Variants in SIRT5 observed in about 807,000 individuals in gnomAD.
The protein encoded by SIRT5 is NAD-dependent protein deacylase sirtuin-5, mitochondrial.
Under a neutral mutation model 40.0 loss-of-function variants are expected in SIRT5, and 26 were observed. The ratio of observed to expected loss-of-function variants is 0.65; its 90% CI spans 0.48 to 0.90. The LOEUF is 0.90. Ranked by LOEUF, SIRT5 falls within the 40% of genes least tolerant of loss-of-function variation. SIRT5 has a pLI of 0.00. For synonymous variants in SIRT5, 146 were observed against 149.1 expected, an observed-to-expected ratio of 0.98 and a Z score of 0.15; for missense variants, 401 against 402.4, an observed-to-expected ratio of 1.00 and a Z score of 0.03.
intron 3 of SIRT5, among the ~76,000 whole-genome samples, chr6:13,585,691 C>T (rs1280454692): frequency 6.6e-6 from 1 of 152,070 alleles, no homozygotes; most frequent in Non-Finnish European, 1.5e-5. Flanking sequence ...TGAATAGTGC[C>T]GCAATAAACA....
intron 5 of SIRT5, 136 bp from the exon 6 acceptor site, chr6:13,595,341 T>C (rs1400788048): frequency 1.5e-6 from 1 of 671,560 alleles, no homozygotes; most frequent in African/African-American, 1.8e-5. Flanking sequence ...ACTGCTACAC[T>C]CCAGCCTGGG....
In SIRT5 at chr6:13,584,179, G is replaced by A. The variant is rs200135552; in HGVS notation, c.69G>A (p.Ala23=). The A allele has an allele frequency of 4.5e-5, 72 of 1,613,936 alleles. No individual in the cohort carries two copies. Among genetic ancestry groups the A allele is most frequent in the Non-Finnish European group, 2.6e-5 (31 of 1,180,018 alleles). Residue 23 remains alanine, a synonymous_variant, in exon 3 of 10, where the codon GCG becomes GCA. Transcript: ENST00000606117. The stretch of plus-strand genomic sequence containing the variant: ...TATATTGTGGCCTGAAGCCTCCAGC[G>A]TCCACACGAAACCAGATTTGCCTGA... ...SQLYCGLKPP[A]STRNQICLKM...
At chr6:13,606,177 T>G (rs549414322) in intron 9 of SIRT5, among the ~76,000 whole-genome samples, 1 of 152,128 alleles carries the variant, frequency 6.6e-6, no homozygotes, top group African/African-American at 2.4e-5. Context: ...GAGCAAAGAC[T>G]TGAAGGAGGT....
At chr6:13,602,330 A>G (rs1034055665) in intron 9 of SIRT5, among the ~76,000 whole-genome samples, 1 of 152,222 alleles carries the variant, frequency 6.6e-6, no homozygotes, top group Non-Finnish European at 1.5e-5. Context: ...CATACTTCCC[A>G]ATTTCAAAAC....
chr6:13,575,676 G>GA (rs761700184), intron 1 of SIRT5, among the ~76,000 whole-genome samples: 1 of 152,178 alleles, frequency 6.6e-6, no homozygotes. Flanking sequence ...TTTTTGTGGT[G>GA]AAAATCTACT....
intron 7 of SIRT5, 116 bp downstream of exon 7, chr6:13,597,132 A>G (rs963161474): frequency 2.6e-6 from 2 of 769,148 alleles, no homozygotes; most frequent in Non-Finnish European, 4.2e-6. Context: ...AAATGCACAA[A>G]TGTAAAAACC....
At chr6:13,599,629 T>C (rs1762102344) in intron 8 of SIRT5, among the ~76,000 whole-genome samples, 1 of 152,242 alleles carries the variant, frequency 6.6e-6, no homozygotes, top group South Asian at 2.1e-4. Flanking sequence ...TTGGGCCACA[T>C]TGGGCCTGCT....
chr6:13,605,467 A>G, intron 9 of SIRT5: 2 of 985,440 alleles, frequency 2.0e-6, no homozygotes, highest in Non-Finnish European at 2.4e-6. Flanking sequence ...TGTTACCTAA[A>G]TAGGCAGCTA....
At chr6:13,599,530 A>C (rs968336188) in intron 8 of SIRT5, among the ~76,000 whole-genome samples, 1 of 152,220 alleles carries the variant, frequency 6.6e-6, no homozygotes, top group African/African-American at 2.4e-5. Flanking sequence ...GAAATTAGAA[A>C]TCGCCCATAG....
Position 13,611,913 on chromosome 6 carries a change from C to T in SIRT5, c.*48C>T, listed in dbSNP as rs1233610589. 1 of 1,566,612 alleles carries T rather than the reference C, an allele frequency of 6.4e-7. No homozygotes were observed. Among genetic ancestry groups the T allele is most frequent in the Non-Finnish European group, 8.8e-7 (1 of 1,138,038 alleles). The stretch of plus-strand genomic sequence containing the variant: ...TACAGTATATCTAAGAACTAGGCCA[C>T]ACGCAGAGGAGAAATGGTCTTATGG... On this transcript the variant is annotated 3_prime_UTR_variant, in exon 10 of 10. Transcript: ENST00000606117.
chr6:13,601,065 T>A (rs1456813865), intron 9 of SIRT5, 116 bp downstream of exon 9: 1 of 758,450 alleles, frequency 1.3e-6, no homozygotes, highest in African/African-American at 1.8e-5. Context: ...TTTGTGTTTT[T>A]TTGTTTGATC....
At chr6:13,582,079 G>C (rs1759417476) in intron 2 of SIRT5, among the ~76,000 whole-genome samples, 1 of 152,154 alleles carries the variant, frequency 6.6e-6, no homozygotes, top group African/African-American at 2.4e-5. Flanking sequence ...GTTCCTAACA[G>C]ATGCTGCAGT....
chr6:13,592,287 G>A (rs180722819), intron 5 of SIRT5, among the ~76,000 whole-genome samples: 9 of 152,322 alleles, frequency 5.9e-5, no homozygotes, highest in Non-Finnish European at 1.2e-4. Flanking sequence ...CTGGAGGAAC[G>A]CTGGGGTGCA....
chr6:13,591,582 G>A, intron 4 of SIRT5, 87 bp from the exon 5 acceptor site: 1 of 1,156,726 alleles, frequency 8.6e-7, no homozygotes, highest in Non-Finnish European at 1.2e-6. Flanking sequence ...GCCTGTCTCT[G>A]CCTTAGGGAG....
chr6:13,599,254 C>T (rs1483243733), intron 8 of SIRT5, 99 bp downstream of exon 8: 3 of 1,273,288 alleles, frequency 2.4e-6, no homozygotes, highest in African/African-American at 3.0e-5. Flanking sequence ...TGCTTCTTTC[C>T]TTCCCGCCTT....
intron 1 of SIRT5, among the ~76,000 whole-genome samples, chr6:13,577,728 A>G (rs188552723): frequency 6.7e-6 from 1 of 148,606 alleles, no homozygotes; most frequent in East Asian, 1.9e-4. Context: ...TATTTTATAT[A>G]CATATCTATA....
At chr6:13,583,274 T>A (rs1396461981) in intron 2 of SIRT5, among the ~76,000 whole-genome samples, 1 of 151,112 alleles carries the variant, frequency 6.6e-6, no homozygotes, top group African/African-American at 2.4e-5. Flanking sequence ...TACCTTCTTT[T>A]TTTTCTTCTT....
At chr6:13,592,735 C>A (rs527834854) in intron 5 of SIRT5, among the ~76,000 whole-genome samples, 1 of 152,314 alleles carries the variant, frequency 6.6e-6, no homozygotes, top group South Asian at 2.1e-4. Context: ...TCACTCTTGT[C>A]TTCTGGCTCC....
intron 2 of SIRT5, among the ~76,000 whole-genome samples, chr6:13,583,340 G>T (rs747893208): frequency 8.2e-6 from 1 of 122,200 alleles, no homozygotes; most frequent in Non-Finnish European, 1.6e-5. Flanking sequence ...TGTTGCCCAC[G>T]CTGGAGTGCA....
Sources: allele counts gnomAD v4.1 joint callset (sites outside exome capture counted in the v4.1 genomes callset), GRCh38; gene constraint gnomAD v4.1.1; transcripts MANE v1.5; gene names NCBI Gene and HGNC (gene_info 2026-07-23, HGNC 2026-07-21).